RCHY1: variants seen among roughly 807,000 people sequenced by gnomAD.
RCHY1 encodes ring finger and CHY zinc finger domain containing 1, also known as RING finger and CHY zinc finger domain-containing protein 1.
RCHY1 carries 21 observed loss-of-function variants against 41.6 expected under a neutral mutation model. That is an observed-to-expected ratio of 0.51 (90% CI 0.36 to 0.73). The LOEUF is 0.73. Ranked by LOEUF, RCHY1 falls within the 30% of genes least tolerant of loss-of-function variation. RCHY1 has a pLI of 0.00. For synonymous variants in RCHY1, 79 were observed against 102.9 expected, an observed-to-expected ratio of 0.77 and a Z score of 1.41; for missense variants, 265 against 325.3, an observed-to-expected ratio of 0.81 and a Z score of 1.43.
intron 3 of RCHY1, among the ~76,000 whole-genome samples, chr4:75,494,862 T>C (rs1159576518): frequency 3.3e-5 from 5 of 151,904 alleles, no homozygotes; most frequent in Admixed American, 1.3e-4. Context: ...TGGTTACTTG[T>C]ATTATAGACA....
upstream of RCHY1, chr4:75,514,567 A>G (rs986564780): frequency 3.0e-6 from 1 of 333,012 alleles, no homozygotes; most frequent in Admixed American, 4.5e-5. Context: ...CTACCCGCCC[A>G]AATCTCAGGG....
chr4:75,514,590 C>T, upstream of RCHY1: 1 of 282,332 alleles, frequency 3.5e-6, no homozygotes. Flanking sequence ...TAGTTCGGCG[C>T]GAGGTTGGCG....
At chr4:75,490,774 AGGCT>A in intron 7 of RCHY1, 73 bp from the exon 8 acceptor site, 1 of 1,209,460 alleles carries the variant, frequency 8.3e-7, no homozygotes, top group Admixed American at 2.1e-5. Flanking sequence ...AAGAAGATGC[AGGCT>A]AACTGCCACA....
chr4:75,508,343 G>C (rs535864601), intron 3 of RCHY1, among the ~76,000 whole-genome samples: 1 of 151,908 alleles, frequency 6.6e-6, no homozygotes, highest in Non-Finnish European at 1.5e-5. Context: ...CTTATACACC[G>C]ACATGTCAAC....
chr4:75,486,336 G>A (rs1189462579), intron 8 of RCHY1, among the ~76,000 whole-genome samples: 1 of 151,972 alleles, frequency 6.6e-6, no homozygotes, highest in Non-Finnish European at 1.5e-5. Flanking sequence ...ATATGTTTAA[G>A]TAAATAATCA....
intron 4 of RCHY1, among the ~76,000 whole-genome samples, chr4:75,493,492 C>A (rs543787041): frequency 6.6e-6 from 1 of 151,912 alleles, no homozygotes; most frequent in African/African-American, 2.4e-5. Context: ...TACAATGTTG[C>A]TACTTATACT....
intron 8 of RCHY1, among the ~76,000 whole-genome samples, chr4:75,486,228 T>A (rs1298351644): frequency 6.6e-6 from 1 of 152,166 alleles, no homozygotes; most frequent in Admixed American, 6.5e-5. Flanking sequence ...GGTTGACATA[T>A]GACTACTTGA....
intron 1 of RCHY1, among the ~76,000 whole-genome samples, chr4:75,511,484 G>A (rs182037495): frequency 6.6e-6 from 1 of 152,110 alleles, no homozygotes; most frequent in Non-Finnish European, 1.5e-5. Context: ...AGTAAAAAAT[G>A]CTGTTCCATG....
At chr4:75,494,645 T>TGATA (rs1723021504) in intron 3 of RCHY1, among the ~76,000 whole-genome samples, 1 of 151,914 alleles carries the variant, frequency 6.6e-6, no homozygotes, top group Non-Finnish European at 1.5e-5. Context: ...GTTGCTACAA[T>TGATA]GATACAGTAA....
chr4:75,502,438 G>T (rs1379415441), intron 3 of RCHY1, among the ~76,000 whole-genome samples: 1 of 152,028 alleles, frequency 6.6e-6, no homozygotes, highest in African/African-American at 2.4e-5. Flanking sequence ...TACTTGGGAG[G>T]CTGAGGCAGG....
chr4:75,482,357 TATG>T lies in RCHY1; in HGVS notation c.*178_*180del, dbSNP rs1378713937. On this transcript the variant is annotated 3_prime_UTR_variant, in exon 9 of 9. Coordinates refer to ENST00000324439, the MANE Select transcript of RCHY1 (RefSeq NM_015436.4). ...CAGTGGCTTTCATTCAATATAGAGCTATGATAAGTCTATCAAGAGACCCTGAAT... is the reference window on the plus strand; with the variant it reads ...CAGTGGCTTTCATTCAATATAGAGCTATAAGTCTATCAAGAGACCCTGAAT... 4.8e-6 allele frequency: 2 copies of T among 418,610 alleles called. No homozygotes were observed. Among genetic ancestry groups the T allele is most frequent in the Middle Eastern group, 3.3e-4 (1 of 3,024 alleles). The allele number at this position is 418,610 out of a possible 1,614,324, so 25.9% of individuals were successfully genotyped here.
rs1192794920 is a variant in RCHY1, at chr4:75,482,534, C to T, written c.*4G>A. 6.3e-7 allele frequency: 1 copy of T among 1,595,096 alleles called. No homozygotes were observed. Among genetic ancestry groups the T allele is most frequent in the Admixed American group, 1.7e-5 (1 of 57,950 alleles). ...GCCAAGTTCTCCAGTACTGTGTAGG[C>T]TCGTCATTGCTGATCCAGTGAAATT... On this transcript the variant is annotated 3_prime_UTR_variant, in exon 9 of 9. Transcript: ENST00000324439.
intron 3 of RCHY1, among the ~76,000 whole-genome samples, chr4:75,503,018 G>A (rs772410653): frequency 6.6e-6 from 1 of 151,728 alleles, no homozygotes; most frequent in Non-Finnish European, 1.5e-5. Flanking sequence ...GAAAATAAAT[G>A]CAAAAAGGCA....
Position 75,481,389 on chromosome 4 carries a change from T to A in RCHY1, c.*1149A>T, listed in dbSNP as rs1352685464. ...ACATCCTAGCCTAATGGTAAAGCTATTACGGAGATAACAGTGTCAAAGTCG... is the reference window on the plus strand; with the variant it reads ...ACATCCTAGCCTAATGGTAAAGCTAATACGGAGATAACAGTGTCAAAGTCG... On this transcript the variant is annotated 3_prime_UTR_variant, in exon 9 of 9. Transcript: ENST00000324439. The A allele has an allele frequency of 2.6e-5, 4 of 152,212 alleles. No homozygotes were observed. The highest frequency in any genetic ancestry group is 2.9e-5 in the Non-Finnish European group (2 of 68,026). 9.4% of individuals were successfully genotyped at this position (152,212 alleles called of 1,614,324 possible). A position where few individuals can be genotyped will look rare whatever the true frequency, so the allele number is the denominator to read the frequency against.
At chr4:75,482,812 A>AT (rs1458674332) in intron 8 of RCHY1, 146 bp from the exon 9 acceptor site, 1 of 508,612 alleles carries the variant, frequency 2.0e-6, no homozygotes, top group Non-Finnish European at 3.1e-6. Context: ...ATTTCTTCTT[A>AT]TTTTTTCACT....
upstream of RCHY1, chr4:75,514,522 T>A (rs62318633): frequency 6.2e-5 from 31 of 500,382 alleles, no homozygotes; most frequent in Non-Finnish European, 1.1e-4. Context: ...CTGCTAACGG[T>A]AATAACTCTT....
chr4:75,514,507 C>T (rs980609686), upstream of RCHY1: 4 of 520,846 alleles, frequency 7.7e-6, no homozygotes, highest in African/African-American at 3.8e-5. Flanking sequence ...TAGTCGCAGT[C>T]TTCGCTGCTA....
In RCHY1 at chr4:75,509,207, C is replaced by T. The variant is rs1172446309; in HGVS notation, c.180G>A (p.Val60=). 4 of 1,612,666 alleles carry T rather than the reference C, an allele frequency of 2.5e-6. No homozygotes were observed. The Admixed American group carries it at 5.0e-5, about 20-fold the overall frequency. The change falls in exon 2 of 9, where the codon GTG becomes GTA. Residue 60 remains valine, a synonymous_variant. Coordinates refer to ENST00000324439, the MANE Select transcript of RCHY1 (RefSeq NM_015436.4). ...HQLDRFKVKE[V]QCINCEKIQH... is the part of the protein sequence containing the mutation. ...GAATTTTTTCACAGTTTATGCACTG[C>T]ACTTCCTTCACTTTAAAGCGATCTA... is the stretch of plus-strand genomic sequence containing the variant.
intron 3 of RCHY1, among the ~76,000 whole-genome samples, chr4:75,495,849 T>C (rs1011811374): frequency 3.6e-4 from 55 of 152,242 alleles, no homozygotes; most frequent in African/African-American, 1.2e-3. Context: ...CCTTTCCTGA[T>C]TTGAAATGTC....
Sources: allele counts gnomAD v4.1 joint callset (sites outside exome capture counted in the v4.1 genomes callset), GRCh38; gene constraint gnomAD v4.1.1; transcripts MANE v1.5; gene names NCBI Gene and HGNC (gene_info 2026-07-23, HGNC 2026-07-21).